The following MAST2 variants were observed in gnomAD, a reference collection of about 807,000 sequenced individuals.
MAST2 encodes the protein microtubule-associated serine/threonine-protein kinase 2.
In MAST2, 70 loss-of-function variants were observed where a neutral mutation model predicts 147.4. The ratio of observed to expected loss-of-function variants is 0.47; its 90% CI spans 0.39 to 0.58. The LOEUF (loss-of-function observed/expected upper bound fraction) is 0.58, where lower values mean the gene tolerates loss of function less well. Ranked by LOEUF, MAST2 falls within the 20% of genes least tolerant of loss-of-function variation. MAST2 has a pLI of 0.00. For missense variants in MAST2, 2,080 were observed against 2,302.3 expected (o/e 0.90, Z 1.98); for synonymous variants, 869 against 896.8 (o/e 0.97, Z 0.55).
At chr1:45,847,670 A>T (rs977715763) in intron 3 of MAST2, 4 of 383,776 alleles carry the variant, frequency 1.0e-5, no homozygotes, top group African/African-American at 6.3e-5. Context: ...CTCACCAACC[A>T]CAAGAGCAGC....
At chr1:46,030,343 G>T in intron 21 of MAST2, 105 bp downstream of exon 21, 1 of 1,135,024 alleles carries the variant, frequency 8.8e-7, no homozygotes, top group Non-Finnish European at 1.3e-6. Context: ...TGGGGTTGGG[G>T]CCACCTCTAG....
intron 4 of MAST2, 46 bp from the exon 5 acceptor site, chr1:45,959,340 C>A: frequency 1.3e-6 from 2 of 1,482,986 alleles, no homozygotes; most frequent in Non-Finnish European, 1.9e-6. Flanking sequence ...GGTCTCTGGG[C>A]CCATGGTGTG....
Position 45,906,622 on chromosome 1 carries a change from TTA to T in MAST2, c.500+24231_500+24232del, listed in dbSNP as rs200994115. Among the ~76,000 whole-genome samples the T allele has an allele frequency of 5.4e-3, 801 of 148,294 alleles. 1 individual carries two copies. The highest frequency in any genetic ancestry group is 8.8e-3 in the Non-Finnish European group (593 of 67,286). On this transcript the variant is annotated intron_variant, in intron 4 of 28. Coordinates refer to ENST00000361297, the MANE Select transcript of MAST2 (RefSeq NM_015112.3). ...ATATTATTGTTATTATATAATTATA[TTA>T]TATGTTATTTTATATGATACAATTA... is the stretch of plus-strand genomic sequence containing the variant.
chr1:45,809,524 G>A (rs1344338886), intron 1 of MAST2, among the ~76,000 whole-genome samples: 1 of 152,066 alleles, frequency 6.6e-6, no homozygotes, highest in African/African-American at 2.4e-5. Context: ...GCGCCTGTGG[G>A]CCCAGCTACT....
In MAST2 at chr1:45,865,807, AT is replaced by A. The variant is rs758222415; in HGVS notation, c.469-16550del. Among the ~76,000 whole-genome samples, 6 of 152,148 alleles carry A rather than the reference AT, an allele frequency of 3.9e-5. No homozygotes were observed. In the East Asian group the frequency reaches 7.7e-4, roughly 20 times the overall value. On this transcript the variant is annotated intron_variant, in intron 3 of 28. Transcript: ENST00000361297. ...AGAATACATGCCAAATTTGATGATT[AT>A]TTTTTTCATGCTTTGTAGATTATCT...
chr1:46,007,538 C>G (rs1185932258), intron 8 of MAST2, among the ~76,000 whole-genome samples: 2 of 152,160 alleles, frequency 1.3e-5, no homozygotes, highest in Admixed American at 6.5e-5. Context: ...AGCAGTACAG[C>G]AGGCAAAACA....
intron 4 of MAST2, among the ~76,000 whole-genome samples, chr1:45,958,319 C>T (rs1278500414): frequency 3.9e-5 from 6 of 152,094 alleles, no homozygotes; most frequent in Admixed American, 3.9e-4. Flanking sequence ...CCACTCTTGA[C>T]TTCTTTGCTA....
intron 3 of MAST2, among the ~76,000 whole-genome samples, chr1:45,875,976 G>A (rs1646589363): frequency 6.6e-6 from 1 of 152,160 alleles, no homozygotes; most frequent in African/African-American, 2.4e-5. Context: ...AGGTGATGAA[G>A]GATGAGCCTG....
chr1:45,838,874 C>T (rs1439099324), intron 3 of MAST2, among the ~76,000 whole-genome samples: 1 of 152,020 alleles, frequency 6.6e-6, no homozygotes, highest in African/African-American at 2.4e-5. Context: ...TTTGGAAGAC[C>T]AGTACATTGA....
intron 5 of MAST2, among the ~76,000 whole-genome samples, chr1:45,965,203 G>T (rs1660996671): frequency 1.3e-5 from 2 of 152,166 alleles, no homozygotes; most frequent in Non-Finnish European, 2.9e-5. Flanking sequence ...CTGTTGATTT[G>T]GGGTGGAGAG....
At chr1:45,825,003 A>G (rs916668726) in intron 2 of MAST2, among the ~76,000 whole-genome samples, 3 of 152,206 alleles carry the variant, frequency 2.0e-5, no homozygotes, top group Non-Finnish European at 4.4e-5. Context: ...AAGCAATTAC[A>G]TTGTACATTG....
chr1:45,944,188 C>T (rs1005035304), intron 4 of MAST2, among the ~76,000 whole-genome samples: 2 of 152,198 alleles, frequency 1.3e-5, no homozygotes, highest in Non-Finnish European at 2.9e-5. Flanking sequence ...TATTCTCCTA[C>T]CTAGGTAATA....
intron 3 of MAST2, chr1:45,846,855 T>C (rs1333400448): frequency 5.7e-6 from 1 of 175,340 alleles, no homozygotes; most frequent in Admixed American, 6.4e-5. Context: ...AACACCATTT[T>C]TGAAACTGCA....
At chr1:45,991,772 C>A (rs1449826674) in intron 5 of MAST2, among the ~76,000 whole-genome samples, 1 of 152,128 alleles carries the variant, frequency 6.6e-6, no homozygotes, top group Non-Finnish European at 1.5e-5. Context: ...TTTGTTGATT[C>A]TTTAGAATAT....
At chr1:45,864,926 G>T (rs116172244) in intron 3 of MAST2, among the ~76,000 whole-genome samples, 15 of 152,332 alleles carry the variant, frequency 9.8e-5, no homozygotes, top group Non-Finnish European at 1.9e-4. Context: ...GAAGAAAGAC[G>T]TGATTCTGAT....
chr1:45,891,999 G>A (rs953101173), intron 4 of MAST2, among the ~76,000 whole-genome samples: 4 of 152,268 alleles, frequency 2.6e-5, no homozygotes, highest in East Asian at 1.9e-4. Flanking sequence ...TCTGGACCCT[G>A]TAAAGCCAGA....
intron 10 of MAST2, among the ~76,000 whole-genome samples, chr1:46,011,667 CA>C (rs1357874268): frequency 1.3e-5 from 2 of 152,214 alleles, no homozygotes; most frequent in Non-Finnish European, 2.9e-5. Context: ...GAGCTCATCA[CA>C]TCACTAGAGA....
At chr1:45,938,826 C>T (rs1049145611) in intron 4 of MAST2, among the ~76,000 whole-genome samples, 1 of 151,936 alleles carries the variant, frequency 6.6e-6, no homozygotes, top group Non-Finnish European at 1.5e-5. Context: ...AGCATCTTAT[C>T]TCATTGTTAG....
chr1:45,976,452 C>G (rs1157574949), intron 5 of MAST2, among the ~76,000 whole-genome samples: 1 of 152,136 alleles, frequency 6.6e-6, no homozygotes, highest in Non-Finnish European at 1.5e-5. Flanking sequence ...CAAAAATTAT[C>G]CAGGCATAGT....
Sources: allele counts gnomAD v4.1 joint callset (sites outside exome capture counted in the v4.1 genomes callset), GRCh38; gene constraint gnomAD v4.1.1; transcripts MANE v1.5; gene names NCBI Gene and HGNC (gene_info 2026-07-23, HGNC 2026-07-21).